SIGLEC1: variants seen among roughly 807,000 people sequenced by gnomAD.
SIGLEC1 encodes the protein sialic acid binding Ig like lectin 1, also known as sialoadhesin.
In SIGLEC1, 132 loss-of-function variants were observed where a neutral mutation model predicts 148.0. The observed-to-expected ratio is 0.89, with a 90% CI of 0.77 to 1.03. The LOEUF is 1.03. Ranked by LOEUF, SIGLEC1 falls within the 50% of genes least tolerant of loss-of-function variation. SIGLEC1 has a pLI of 0.00. For synonymous variants in SIGLEC1, 945 were observed against 969.0 expected, an observed-to-expected ratio of 0.98 and a Z score of 0.46; for missense variants, 2,253 against 2,271.4, an observed-to-expected ratio of 0.99 and a Z score of 0.16.
At chr20:3,699,550 C>A in intron 7 of SIGLEC1, 91 bp from the exon 8 acceptor site, 1 of 1,488,770 alleles carries the variant, frequency 6.7e-7, no homozygotes, top group Non-Finnish European at 9.0e-7. Flanking sequence ...CTCCTTTCCC[C>A]ACACTACTGT....
At position 3,703,954 on chromosome 20, in the gene SIGLEC1, G is replaced by T; in HGVS notation, c.844C>A (p.Arg282Ser). The change falls in exon 5 of 22, where the codon CGC (arginine) becomes AGC (serine). Residue 282 changes from arginine (R) to serine (S), a missense_variant. Arg to Ser is a moderately radical substitution (Grantham distance 110, BLOSUM62 -1). Transcript: ENST00000344754. ...SSIKWLKDGV[R>S]LQTKTGVLHL... ...AGCACACCAGTCTTGGTTTGGAGGC[G>T]TACCCCATCCTTGAGCCACTTAATG... 1 of 1,613,008 alleles carries T rather than the reference G, an allele frequency of 6.2e-7. No homozygotes were observed. The highest frequency in any genetic ancestry group is 8.5e-7 in the Non-Finnish European group (1 of 1,179,362).
intron 6 of SIGLEC1, 23 bp from the exon 7 acceptor site, chr20:3,701,664 C>A: frequency 1.3e-6 from 2 of 1,530,742 alleles, no homozygotes; most frequent in Admixed American, 2.0e-5. Context: ...GAGAGGTGGG[C>A]CTGTCACCCT....
In SIGLEC1 at chr20:3,697,199, G is replaced by A; in HGVS notation, c.2266C>T (p.Leu756=). 1 of 1,613,916 alleles carries A rather than the reference G, an allele frequency of 6.2e-7. No homozygotes were observed. The highest frequency in any genetic ancestry group is 1.3e-5 in the African/African-American group (1 of 75,060). Residue 756 remains leucine (L), a synonymous_variant, in exon 10 of 22, where the codon CTG becomes TTG. Transcript: ENST00000344754. ...RNGVLWAQGP[L]ETVTLLPVAR... The stretch of plus-strand genomic sequence containing the variant: ...ACGGGCAGCAGTGTCACGGTCTCCA[G>A]GGGACCCTGGGCCCACAGCACCCCA...
Position 3,694,532 on chromosome 20 carries a change from T to C in SIGLEC1, c.2945A>G (p.Tyr982Cys), listed in dbSNP as rs1376201085. 6.4e-7 allele frequency: 1 copy of C among 1,559,596 alleles called. No individual in the cohort carries two copies. The highest frequency in any genetic ancestry group is 8.7e-7 in the Non-Finnish European group (1 of 1,150,118). The change falls in exon 13 of 22, where the codon TAT becomes TGT. Residue 982 changes from tyrosine (Y) to cysteine (C), a missense_variant and splice_region_variant. Physicochemically the swap from Tyr to Cys is radical, Grantham distance 194. Transcript: ENST00000344754. ...LAAPISLHVS[Y>C]APRHVTLTTL... ...AGTGAGTGTGACGTGGCGTGGGGCA[T>C]CTACACAGGGTGGGGAGTGGTCAGG... is the stretch of plus-strand genomic sequence containing the variant.
chr20:3,693,140 C>A lies in SIGLEC1; in HGVS notation c.3509-9G>T. The A allele has an allele frequency of 6.5e-7, 1 of 1,537,152 alleles. No individual in the cohort carries two copies. Among genetic ancestry groups the A allele is most frequent in the South Asian group, 1.3e-5 (1 of 79,510 alleles). ...CAGGTTGCGGGGCGCGTCTGCAGGG[C>A]ATGAGAGGCTTACACGGAGTCACAG... On this transcript the variant is annotated splice_polypyrimidine_tract_variant and intron_variant, in intron 14 of 21. Transcript: ENST00000344754.
Position 3,703,268 on chromosome 20 carries a change from C to T in SIGLEC1, c.1157G>A (p.Gly386Asp), listed in dbSNP as rs751731487. Residue 386 changes from glycine to aspartate, a missense_variant, in exon 6 of 22, where the codon GGC becomes GAC. Transcript: ENST00000344754. The part of the protein sequence containing the change: ...RLHLATRADT[G>D]FYFCEVQNVH... The stretch of plus-strand genomic sequence containing the variant: ...GTTCTGCACCTCACAGAAGTAGAAG[C>T]CAGTATCAGCCCTAGTGGCCAAGTG... 1 of 1,614,032 alleles carries T rather than the reference C, an allele frequency of 6.2e-7. No homozygotes were observed. The highest frequency in any genetic ancestry group is 8.5e-7 in the Non-Finnish European group (1 of 1,180,018).
At chr20:3,697,450 A>C in intron 9 of SIGLEC1, 108 bp from the exon 10 acceptor site, 1 of 1,408,834 alleles carries the variant, frequency 7.1e-7, no homozygotes, top group Non-Finnish European at 9.7e-7. Context: ...GGGTGCCCAC[A>C]GGGTTGGGGA....
At chr20:3,711,089 A>G in intron 1 of SIGLEC1, among the ~76,000 whole-genome samples, 1 of 151,902 alleles carries the variant, frequency 6.6e-6, no homozygotes, top group East Asian at 1.9e-4. Context: ...GTCGAGGGGG[A>G]ATTGCGGGTC....
rs532538361 is a variant in SIGLEC1 at position 3,690,469 on chromosome 20, G to A, written c.4592-205C>T. Among the ~76,000 whole-genome samples the A allele has an allele frequency of 3.9e-5, 6 of 152,378 alleles. 1 individual carries two copies. In the South Asian group the frequency reaches 1.2e-3, roughly 32 times the overall value. On this transcript the variant is annotated intron_variant, in intron 18 of 21. Transcript: ENST00000344754. ...GAGCCAGACCTCAAGAGGCCTTGTAGCTTCTGCTCTACTTGTTGGAACACA... is the reference window on the plus strand; with the variant it reads ...GAGCCAGACCTCAAGAGGCCTTGTAACTTCTGCTCTACTTGTTGGAACACA...
chr20:3,695,659 G>C (rs775587802), intron 11 of SIGLEC1, among the ~76,000 whole-genome samples: 8 of 152,174 alleles, frequency 5.3e-5, no homozygotes, highest in Non-Finnish European at 1.2e-4. Flanking sequence ...CTGCGAAATA[G>C]GTATGCTAAG....
intron 14 of SIGLEC1, 98 bp downstream of exon 14, chr20:3,693,349 A>T: frequency 7.3e-7 from 1 of 1,374,046 alleles, no homozygotes; most frequent in Non-Finnish European, 9.8e-7. Context: ...CTGGGTACCG[A>T]GTTCCCCACT....
At chr20:3,711,836 G>A (rs551801475) in intron 1 of SIGLEC1, among the ~76,000 whole-genome samples, 1 of 152,328 alleles carries the variant, frequency 6.6e-6, no homozygotes, top group South Asian at 2.1e-4. Context: ...AAGCCCTCCT[G>A]TGGACGGACG....
intron 7 of SIGLEC1, among the ~76,000 whole-genome samples, chr20:3,700,950 C>T (rs544830551): frequency 5.3e-5 from 8 of 152,256 alleles, no homozygotes; most frequent in East Asian, 1.9e-4. Flanking sequence ...CCACCCACCT[C>T]GGCCTCCCAA....
Position 3,693,617 on chromosome 20 carries a change from T to A in SIGLEC1, c.3338A>T (p.His1113Leu). Residue 1113 changes from histidine to leucine, a missense_variant, in exon 14 of 22, where the codon CAC (histidine) becomes CTC (leucine). His to Leu is a moderately conservative substitution (Grantham distance 99). Coordinates refer to ENST00000344754, the MANE Select transcript of SIGLEC1 (RefSeq NM_023068.4). ...VNLTCLVWTTHPAQLTYTWYQ... is the reference protein window; with the variant it reads ...VNLTCLVWTTLPAQLTYTWYQ... ...CCATGTGTAGGTGAGCTGGGCCGGG[T>A]GAGTGGTCCACACAAGGCAGGTCAG... is the stretch of plus-strand genomic sequence containing the variant. 2.5e-6 allele frequency: 4 copies of A among 1,611,538 alleles called. No homozygotes were observed. Among genetic ancestry groups the A allele is most frequent in the Non-Finnish European group, 3.4e-6 (4 of 1,179,160 alleles).
intron 19 of SIGLEC1, 65 bp downstream of exon 19, chr20:3,689,897 C>A (rs748975985): frequency 1.4e-5 from 19 of 1,396,870 alleles, no homozygotes; most frequent in Admixed American, 1.9e-5. Context: ...GGGAAGGAAG[C>A]CTTTGGGCCT....
At chr20:3,705,591 G>A (rs2087886303) in intron 4 of SIGLEC1, among the ~76,000 whole-genome samples, 153 bp downstream of exon 4, 1 of 152,224 alleles carries the variant, frequency 6.6e-6, no homozygotes, top group Non-Finnish European at 1.5e-5. Context: ...GGGCTCAGCA[G>A]TGTCTCTCCA....
chr20:3,698,814 G>C (rs368440217), intron 8 of SIGLEC1, among the ~76,000 whole-genome samples: 6 of 152,354 alleles, frequency 3.9e-5, no homozygotes, highest in African/African-American at 1.2e-4. Flanking sequence ...CAGAGGGGCT[G>C]TCTGTCCCTG....
intron 16 of SIGLEC1, 105 bp downstream of exon 16, chr20:3,692,416 C>T: frequency 7.4e-7 from 1 of 1,348,182 alleles, no homozygotes; most frequent in Non-Finnish European, 9.8e-7. Context: ...CCCCAACTGC[C>T]CATTCCTGGG....
rs1282402545 is a variant in SIGLEC1, at chr20:3,701,615, C to G, written c.1255G>C (p.Ala419Pro). ...AGTCCCGCCTGGGTCTCCAGGAAGG[C>G]TGTCAGGACTGGAGTGAGAGGCGGG... ...NHPPLTPVLTAFLETQAGLVG... is the reference protein window; with the variant it reads ...NHPPLTPVLTPFLETQAGLVG... Residue 419 changes from alanine (A) to proline (P), a missense_variant, in exon 7 of 22, where the codon GCC (alanine) becomes CCC (proline). Ala to Pro is a conservative substitution (Grantham distance 27). Transcript: ENST00000344754. The G allele has an allele frequency of 5.1e-6, 8 of 1,581,090 alleles. No homozygotes were observed. The highest frequency in any genetic ancestry group is 6.0e-6 in the Non-Finnish European group (7 of 1,158,768).
Sources: allele counts gnomAD v4.1 joint callset (sites outside exome capture counted in the v4.1 genomes callset), GRCh38; gene constraint gnomAD v4.1.1; transcripts MANE v1.5; gene names NCBI Gene and HGNC (gene_info 2026-07-23, HGNC 2026-07-21).